PLXNA2: variants seen among roughly 807,000 people sequenced by gnomAD.
The protein encoded by PLXNA2 is plexin A2, also known as plexin-A2.
PLXNA2 carries 91 observed loss-of-function variants against 193.5 expected under a neutral mutation model. That is an observed-to-expected ratio of 0.47 (90% confidence interval 0.40 to 0.56). PLXNA2 has a LOEUF of 0.56. PLXNA2 is among the 20% of genes least tolerant of loss of function. The probability of loss-of-function intolerance (pLI) is 0.00; values close to 1 mark genes in which losing one functional copy is unlikely to be tolerated. For missense variants in PLXNA2, 1,995 were observed against 2,503.2 expected, an observed-to-expected ratio of 0.80 and a Z score of 4.33; for synonymous variants, 997 against 1,027.3, an observed-to-expected ratio of 0.97 and a Z score of 0.56.
intron 3 of PLXNA2, among the ~76,000 whole-genome samples, chr1:208,159,682 A>T (rs1184844778): frequency 6.6e-6 from 1 of 152,216 alleles, no homozygotes; most frequent in African/African-American, 2.4e-5. Context: ...CATGGACTGG[A>T]GCTGGCATTC....
chr1:208,105,763 C>T lies in PLXNA2; in HGVS notation c.1507-2516G>A, dbSNP rs149659205. 1.8e-3 allele frequency among the ~76,000 whole-genome samples: 276 copies of T among 152,344 alleles called. 3 individuals are homozygous for T. The highest frequency in any genetic ancestry group is 5.1e-3 in the African/African-American group (214 of 41,580). On this transcript the variant is annotated intron_variant, in intron 4 of 31. Coordinates refer to ENST00000367033, the MANE Select transcript of PLXNA2 (RefSeq NM_025179.4). ...AGGCTTCCGCTGGCCCCCTCCAAACCACTCTCTGAGGCCTGAGAATGGTGG... is the reference window on the plus strand; with the variant it reads ...AGGCTTCCGCTGGCCCCCTCCAAACTACTCTCTGAGGCCTGAGAATGGTGG...
At chr1:208,148,999 A>G (rs1349221898) in intron 3 of PLXNA2, among the ~76,000 whole-genome samples, 1 of 152,208 alleles carries the variant, frequency 6.6e-6, no homozygotes, top group Non-Finnish European at 1.5e-5. Flanking sequence ...TTTGACACAG[A>G]GTTATTGAGC....
chr1:208,067,638 T>C (rs1182074491), intron 12 of PLXNA2, among the ~76,000 whole-genome samples: 13 of 152,204 alleles, frequency 8.5e-5, no homozygotes, highest in Admixed American at 5.9e-4. Context: ...GTACTTACCA[T>C]TGTGTTACAA....
intron 3 of PLXNA2, among the ~76,000 whole-genome samples, chr1:208,204,307 G>A (rs1042546375): frequency 1.3e-5 from 2 of 152,170 alleles, no homozygotes; most frequent in Non-Finnish European, 2.9e-5. Flanking sequence ...TTATACACAA[G>A]CCTGCATCTG....
chr1:208,029,213 C>A (rs1279534355), intron 29 of PLXNA2, 171 bp from the exon 30 acceptor site: 22 of 1,431,486 alleles, frequency 1.5e-5, no homozygotes, highest in Middle Eastern at 2.5e-4. Context: ...TGTTACTGAC[C>A]TGGGAGAAAT....
chr1:208,093,347 A>G (rs540058883), intron 8 of PLXNA2, among the ~76,000 whole-genome samples: 1 of 152,292 alleles, frequency 6.6e-6, no homozygotes, highest in East Asian at 1.9e-4. Context: ...TAGCCGGCAG[A>G]GTACAGGGAC....
intron 3 of PLXNA2, among the ~76,000 whole-genome samples, chr1:208,153,230 C>T (rs1012780405): frequency 6.6e-6 from 1 of 152,154 alleles, no homozygotes; most frequent in African/African-American, 2.4e-5. Context: ...GCTTTATGCA[C>T]ATTTTCTCAT....
chr1:208,165,817 C>T (rs1318207107), intron 3 of PLXNA2, among the ~76,000 whole-genome samples: 5 of 152,292 alleles, frequency 3.3e-5, no homozygotes, highest in African/African-American at 7.2e-5. Flanking sequence ...TCCTCTCCCA[C>T]GTGGGCCAGG....
chr1:208,154,854 C>T (rs1274584666), intron 3 of PLXNA2, among the ~76,000 whole-genome samples: 2 of 152,218 alleles, frequency 1.3e-5, no homozygotes, highest in East Asian at 3.8e-4. Context: ...GGTAACACAA[C>T]ATGCCAGCAT....
At position 208,146,639 on chromosome 1, in the gene PLXNA2, G is replaced by A. The variant is rs1206032092; in HGVS notation, c.1372-4176C>T. On this transcript the variant is annotated intron_variant, in intron 3 of 31. Coordinates refer to ENST00000367033, the MANE Select transcript of PLXNA2 (RefSeq NM_025179.4). ...CAGGATGGCCAGTGGTGAGGGGAGT[G>A]TCAAGGAGTCCCAAAACAAGAGTGG... 2.6e-5 allele frequency among the ~76,000 whole-genome samples: 4 copies of A among 152,196 alleles called. No individual in the cohort carries two copies. In the East Asian group the frequency reaches 7.7e-4, roughly 29 times the overall value.
intron 3 of PLXNA2, among the ~76,000 whole-genome samples, chr1:208,193,615 G>T (rs180864583): frequency 4.7e-4 from 72 of 152,318 alleles, no homozygotes; most frequent in African/African-American, 1.5e-3. Flanking sequence ...TATTATCTTA[G>T]CATTTAAGAG....
intron 3 of PLXNA2, among the ~76,000 whole-genome samples, chr1:208,149,183 CATATGTGGTGTGTGTAT>C (rs1440447261): frequency 6.6e-6 from 1 of 151,292 alleles, no homozygotes; most frequent in Non-Finnish European, 1.5e-5. Context: ...GGTGTGTGTA[CATATGTGGTGTGTGTAT>C]GAGTCTGTTG....
intron 12 of PLXNA2, among the ~76,000 whole-genome samples, chr1:208,067,181 T>C (rs1665826660): frequency 6.6e-6 from 1 of 151,884 alleles, no homozygotes. Flanking sequence ...GCTGTCTCTA[T>C]TAAAAATCCA....
Position 208,052,380 on chromosome 1 carries a change from C to T in PLXNA2, c.2940G>A (p.Gly980=), listed in dbSNP as rs1346721297. ...GGTAGACTGCCACGCTGCTCCCAGC[C>T]CCAAGGTAATGGCCGGTAATGGTCA... ...TMVTITGHYL[G]AGSSVAVYLG... Residue 980 remains glycine, a synonymous_variant, in exon 15 of 32, where the codon GGG becomes GGA. Transcript: ENST00000367033. 14 of 1,613,988 alleles carry T rather than the reference C, an allele frequency of 8.7e-6. No homozygotes were observed. Among genetic ancestry groups the T allele is most frequent in the East Asian group, 2.2e-5 (1 of 44,872 alleles).
At chr1:208,085,644 G>A (rs570435542) in intron 9 of PLXNA2, among the ~76,000 whole-genome samples, 2 of 152,364 alleles carry the variant, frequency 1.3e-5, no homozygotes, top group African/African-American at 4.8e-5. Context: ...GCCTCACACA[G>A]GGAATCTCCT....
chr1:208,229,634 C>T (rs1336273382), intron 1 of PLXNA2, among the ~76,000 whole-genome samples: 1 of 152,034 alleles, frequency 6.6e-6, no homozygotes, highest in Non-Finnish European at 1.5e-5. Flanking sequence ...CTGGGTGAGG[C>T]TAGATGGGTG....
intron 5 of PLXNA2, among the ~76,000 whole-genome samples, chr1:208,102,838 C>A (rs1289143916): frequency 2.0e-5 from 3 of 152,144 alleles, no homozygotes; most frequent in Non-Finnish European, 4.4e-5. Flanking sequence ...TTTGGGGAAA[C>A]CTAAAGACTA....
chr1:208,041,226 C>T (rs367561442), intron 22 of PLXNA2, among the ~76,000 whole-genome samples: 1 of 152,206 alleles, frequency 6.6e-6, no homozygotes, highest in African/African-American at 2.4e-5. Flanking sequence ...CTCCTCACCC[C>T]ACGTGGGGCC....
chr1:208,043,603 T>C (rs1210239064), intron 20 of PLXNA2, among the ~76,000 whole-genome samples: 1 of 152,072 alleles, frequency 6.6e-6, no homozygotes, highest in African/African-American at 2.4e-5. Context: ...AGGTAATAAA[T>C]CAAGATGCAA....
Sources: allele counts gnomAD v4.1 joint callset (sites outside exome capture counted in the v4.1 genomes callset), GRCh38; gene constraint gnomAD v4.1.1; transcripts MANE v1.5; gene names NCBI Gene and HGNC (gene_info 2026-07-23, HGNC 2026-07-21).